The following EXOC6 variants were observed in gnomAD, a reference collection of about 807,000 sequenced individuals.
The protein encoded by EXOC6 is SEC15-like 1.
Under a neutral mutation model 112.5 loss-of-function variants are expected in EXOC6, and 60 were observed. That is an observed-to-expected ratio of 0.53 (90% CI 0.43 to 0.66). The LOEUF (loss-of-function observed/expected upper bound fraction) is 0.66, where lower values mean the gene tolerates loss of function less well. EXOC6 is among the 30% of genes least tolerant of loss of function. The pLI, the probability that EXOC6 is intolerant of heterozygous loss-of-function variation, is 0.00. For synonymous variants in EXOC6, 295 were observed against 308.0 expected, an observed-to-expected ratio of 0.96 and a Z score of 0.44; for missense variants, 855 against 957.1, an observed-to-expected ratio of 0.89 and a Z score of 1.41.
At chr10:92,996,433 T>A (rs835240) in intron 18 of EXOC6, among the ~76,000 whole-genome samples, 1 of 151,938 alleles carries the variant, frequency 6.6e-6, no homozygotes, top group African/African-American at 2.4e-5. Flanking sequence ...CTGGCTAACA[T>A]GGTGAAACTC....
chr10:92,910,800 G>A (rs758780743), intron 6 of EXOC6, among the ~76,000 whole-genome samples: 3 of 152,156 alleles, frequency 2.0e-5, no homozygotes, highest in Admixed American at 2.0e-4. Context: ...ATGGTGGCGG[G>A]CACCTGTAGT....
chr10:92,855,719 T>C (rs998150943), intron 1 of EXOC6, among the ~76,000 whole-genome samples: 1 of 152,186 alleles, frequency 6.6e-6, no homozygotes, highest in African/African-American at 2.4e-5. Flanking sequence ...CTTATTTTTA[T>C]TTCTGTAACA....
intron 17 of EXOC6, among the ~76,000 whole-genome samples, chr10:92,959,143 C>T (rs1853851722): frequency 6.6e-6 from 1 of 151,946 alleles, no homozygotes; most frequent in Non-Finnish European, 1.5e-5. Flanking sequence ...TGGTATTGGA[C>T]AAACAACAGA....
intron 20 of EXOC6, among the ~76,000 whole-genome samples, chr10:93,019,227 G>A (rs111948192): frequency 0.068 from 10,312 of 152,064 alleles, 627 homozygotes; most frequent in African/African-American, 0.15. Flanking sequence ...CAATCCACCC[G>A]CCTCGGCCTC....
intron 1 of EXOC6, among the ~76,000 whole-genome samples, chr10:92,852,518 C>T (rs1049905023): frequency 6.6e-6 from 1 of 151,912 alleles, no homozygotes; most frequent in Non-Finnish European, 1.5e-5. Context: ...TAAAATACAT[C>T]TATATAAAAA....
Position 92,862,354 on chromosome 10 carries a change from T to C in EXOC6, c.101+13720T>C, listed in dbSNP as rs537721401. On this transcript the variant is annotated intron_variant, in intron 1 of 21. Transcript: ENST00000260762. ...TGCCCCCCCCCCATAATTCATATGT[T>C]AAAACCTAAATCACCAATGTGATAG... Among the ~76,000 whole-genome samples the C allele has an allele frequency of 4.8e-4, 72 of 151,310 alleles. 1 individual carries two copies. The highest frequency in any genetic ancestry group is 1.7e-3 in the African/African-American group (69 of 41,326).
chr10:92,928,505 C>A, intron 9 of EXOC6, 83 bp downstream of exon 9: 2 of 788,026 alleles, frequency 2.5e-6, no homozygotes, highest in Non-Finnish European at 2.1e-6. Flanking sequence ...GCATGTATCA[C>A]TGTTCATTCA....
At chr10:92,830,753 G>C (rs1466249733), upstream of EXOC6, among the ~76,000 whole-genome samples, 1 of 152,108 alleles carries the variant, frequency 6.6e-6, no homozygotes, top group Non-Finnish European at 1.5e-5. Flanking sequence ...CACTAGCCTA[G>C]GGTCACTTAA....
chr10:93,042,958 ATTT>A (rs1488981135), intron 20 of EXOC6, among the ~76,000 whole-genome samples: 176 of 110,118 alleles, frequency 1.6e-3, no homozygotes, highest in South Asian at 3.1e-4. Flanking sequence ...TATTATTATT[ATTT>A]TTTGAGATGG....
At chr10:92,914,411 A>G (rs920028226) in intron 6 of EXOC6, among the ~76,000 whole-genome samples, 2 of 152,200 alleles carry the variant, frequency 1.3e-5, no homozygotes, top group African/African-American at 2.4e-5. Flanking sequence ...TGAATTGTAA[A>G]TCTCCTAGGA....
chr10:93,040,710 T>G (rs572623813), intron 20 of EXOC6, among the ~76,000 whole-genome samples: 30 of 152,360 alleles, frequency 2.0e-4, no homozygotes, highest in Non-Finnish European at 3.7e-4. Context: ...GCTGAAATAG[T>G]GTTCACTTAG....
chr10:92,933,333 T>TA (rs1185672667), intron 9 of EXOC6, among the ~76,000 whole-genome samples: 1 of 152,168 alleles, frequency 6.6e-6, no homozygotes, highest in Non-Finnish European at 1.5e-5. Flanking sequence ...ATGGAATATA[T>TA]AGAATCCTAT....
chr10:92,996,109 A>C (rs987696442), intron 18 of EXOC6, among the ~76,000 whole-genome samples: 1 of 152,234 alleles, frequency 6.6e-6, no homozygotes, highest in African/African-American at 2.4e-5. Flanking sequence ...TAGGAAAAAT[A>C]TAATTATCAA....
At chr10:92,857,799 G>T (rs1003869284) in intron 1 of EXOC6, among the ~76,000 whole-genome samples, 2 of 152,032 alleles carry the variant, frequency 1.3e-5, no homozygotes, top group African/African-American at 4.8e-5. Context: ...GTCTGTGTGT[G>T]TCTGGTCTGT....
chr10:92,884,211 T>C (rs1388275154), intron 1 of EXOC6, among the ~76,000 whole-genome samples: 2 of 152,186 alleles, frequency 1.3e-5, no homozygotes, highest in Non-Finnish European at 2.9e-5. Context: ...AAGTTTTGTT[T>C]TCTGATAAAG....
At chr10:92,925,727 A>G (rs1311114762) in intron 8 of EXOC6, among the ~76,000 whole-genome samples, 1 of 152,048 alleles carries the variant, frequency 6.6e-6, no homozygotes, top group Non-Finnish European at 1.5e-5. Context: ...TGGTGAGATC[A>G]TAGCTCACTG....
At chr10:93,057,714 ATTG>A (rs1258536443) in intron 21 of EXOC6, among the ~76,000 whole-genome samples, 3 of 152,160 alleles carry the variant, frequency 2.0e-5, no homozygotes, top group Non-Finnish European at 2.9e-5. Flanking sequence ...TTAAATTAAA[ATTG>A]TTATTATTTT....
chr10:92,927,803 C>T (rs574581321), intron 8 of EXOC6, among the ~76,000 whole-genome samples: 3 of 152,160 alleles, frequency 2.0e-5, no homozygotes, highest in Admixed American at 2.0e-4. Flanking sequence ...ATATCTCTGG[C>T]GAGTCCTGAA....
At chr10:92,879,168 A>G (rs941183814) in intron 1 of EXOC6, among the ~76,000 whole-genome samples, 2 of 152,192 alleles carry the variant, frequency 1.3e-5, no homozygotes, top group African/African-American at 4.8e-5. Flanking sequence ...ATGTTATTAT[A>G]TAGTTTAGAA....
Sources: gnomAD v4.1 joint callset for allele counts (sites outside exome capture counted in the v4.1 genomes callset) on GRCh38, gnomAD v4.1.1 for gene constraint, MANE v1.5 for transcripts, NCBI Gene and HGNC (gene_info 2026-07-23, HGNC 2026-07-21) for gene names.